The following STK32B variants were observed in gnomAD, a reference collection of about 807,000 sequenced individuals.
STK32B encodes the protein serine/threonine-protein kinase 32B.
STK32B carries 43 observed loss-of-function variants against 52.6 expected under a neutral mutation model. The ratio of observed to expected loss-of-function variants is 0.82; its 90% confidence interval spans 0.64 to 1.05. The LOEUF (loss-of-function observed/expected upper bound fraction) is 1.05, where lower values mean the gene tolerates loss of function less well. Ranked by LOEUF, STK32B falls within the 50% of genes least tolerant of loss-of-function variation. The pLI is 0.00. For missense variants in STK32B, 621 were observed against 534.6 expected, an observed-to-expected ratio of 1.16 and a Z score of -1.59; for synonymous variants, 238 against 204.3, an observed-to-expected ratio of 1.17 and a Z score of -1.41.
chr4:5,113,567 A>G (rs1396287543), intron 1 of STK32B, among the ~76,000 whole-genome samples: 1 of 151,758 alleles, frequency 6.6e-6, no homozygotes, highest in Non-Finnish European at 1.5e-5. Context: ...CTGATGACCT[A>G]TGTTGTTAAA....
chr4:5,326,469 A>G (rs1481389570), intron 3 of STK32B, among the ~76,000 whole-genome samples: 1 of 152,162 alleles, frequency 6.6e-6, no homozygotes, highest in Non-Finnish European at 1.5e-5. Context: ...AGTACCTCCA[A>G]CAGTGCCTCT....
chr4:5,156,493 C>T (rs1717859160), intron 2 of STK32B, among the ~76,000 whole-genome samples: 1 of 152,178 alleles, frequency 6.6e-6, no homozygotes, highest in South Asian at 2.1e-4. Flanking sequence ...TCTCCATTGG[C>T]TCCTCTTGAC....
At chr4:5,136,145 G>A (rs947505347) in intron 1 of STK32B, among the ~76,000 whole-genome samples, 1 of 152,196 alleles carries the variant, frequency 6.6e-6, no homozygotes, top group Admixed American at 6.5e-5. Context: ...ATTGCCTGGG[G>A]CTGGCCACAG....
At chr4:5,074,232 C>T (rs1005262249) in intron 1 of STK32B, among the ~76,000 whole-genome samples, 1 of 148,386 alleles carries the variant, frequency 6.7e-6, no homozygotes, top group African/African-American at 2.5e-5. Context: ...AATATATTTC[C>T]TTATTTGGCT....
chr4:5,112,726 A>G (rs1331647533), intron 1 of STK32B, among the ~76,000 whole-genome samples: 3 of 152,206 alleles, frequency 2.0e-5, no homozygotes, highest in Admixed American at 6.5e-5. Context: ...CTAGTACAAG[A>G]AAGCTTCTCT....
intron 3 of STK32B, among the ~76,000 whole-genome samples, chr4:5,254,617 C>T (rs1726171341): frequency 6.6e-6 from 1 of 152,034 alleles, no homozygotes; most frequent in Non-Finnish European, 1.5e-5. Context: ...ATAGTAATTT[C>T]CACTTCTAAT....
intron 4 of STK32B, among the ~76,000 whole-genome samples, chr4:5,391,426 CAA>C (rs1316856228): frequency 1.3e-5 from 2 of 152,106 alleles, no homozygotes; most frequent in Admixed American, 6.5e-5. Context: ...CACTTTCCTG[CAA>C]AGACAGTATT....
intron 1 of STK32B, among the ~76,000 whole-genome samples, chr4:5,068,354 A>G (rs1711548526): frequency 1.3e-5 from 2 of 152,160 alleles, no homozygotes; most frequent in South Asian, 2.1e-4. Context: ...GCTCCCACTT[A>G]TAAGTGAGAA....
chr4:5,097,467 CAAGA>C (rs1186840856), intron 1 of STK32B, among the ~76,000 whole-genome samples: 3 of 150,722 alleles, frequency 2.0e-5, no homozygotes, highest in African/African-American at 4.9e-5. Flanking sequence ...GTCTACACAT[CAAGA>C]AAGAAAGATC....
At chr4:5,204,173 G>A (rs917662913) in intron 3 of STK32B, 46 of 152,270 alleles carry the variant, frequency 3.0e-4, no homozygotes, top group African/African-American at 9.4e-4. Flanking sequence ...CTGCACTTTC[G>A]AAAGAGCAGA....
upstream of STK32B, among the ~76,000 whole-genome samples, chr4:5,050,563 C>CA (rs1467906536): frequency 2.6e-5 from 4 of 152,146 alleles, no homozygotes; most frequent in Admixed American, 1.3e-4. Context: ...GAGAGAGTCA[C>CA]AAAGAACCCC....
chr4:5,347,530 C>G (rs1169881552), intron 4 of STK32B, among the ~76,000 whole-genome samples: 1 of 152,086 alleles, frequency 6.6e-6, no homozygotes, highest in African/African-American at 2.4e-5. Context: ...ACTCAAAGAG[C>G]CTTAAAACTG....
At chr4:5,038,985 CT>C in the STK32B span, among the ~76,000 whole-genome samples, 2,804 of 122,292 alleles carry the variant, frequency 0.023, 28 homozygotes, top group African/African-American at 0.057. Flanking sequence ...AAATTTCTTT[CT>C]TTTTTTTTTT....
intron 3 of STK32B, among the ~76,000 whole-genome samples, chr4:5,241,844 G>C (rs539827851): frequency 6.6e-6 from 1 of 151,990 alleles, no homozygotes; most frequent in African/African-American, 2.4e-5. Context: ...TTTTGTCCTC[G>C]CGATAGTTTG....
chr4:5,327,920 A>G (rs1223798563), intron 3 of STK32B, among the ~76,000 whole-genome samples: 1 of 152,208 alleles, frequency 6.6e-6, no homozygotes, highest in Non-Finnish European at 1.5e-5. Flanking sequence ...TGGTGTATTC[A>G]CCTTCACCAG....
rs115806847 is a variant in STK32B, at chr4:5,080,561, A to T, written c.52+28646A>T. Among the ~76,000 whole-genome samples, 581 of 152,264 alleles carry T rather than the reference A, an allele frequency of 3.8e-3. 6 individuals are homozygous for T. Among genetic ancestry groups the T allele is most frequent in the African/African-American group, 0.013 (559 of 41,544 alleles). On this transcript the variant is annotated intron_variant, in intron 1 of 11. Transcript: ENST00000282908. Reference sequence around the variant, plus strand: ...CTGATATTTCACCTTGCACCTAGCTAATATATGCTTTTCTTATTTATCTTA... The same window carrying T: ...CTGATATTTCACCTTGCACCTAGCTTATATATGCTTTTCTTATTTATCTTA...
chr4:5,272,494 T>A (rs532450573), intron 3 of STK32B, among the ~76,000 whole-genome samples: 2,310 of 148,248 alleles, frequency 0.016, 61 homozygotes, highest in African/African-American at 0.054. Context: ...TGCCCGGCTT[T>A]GGTATCAGAA....
intron 1 of STK32B, among the ~76,000 whole-genome samples, chr4:5,102,536 T>TA (rs1713863556): frequency 7.0e-6 from 1 of 141,856 alleles, no homozygotes; most frequent in African/African-American, 2.6e-5. Context: ...TTCTTTACTT[T>TA]CTTTCTTTCT....
chr4:5,413,077 A>T (rs1052777232), intron 5 of STK32B, among the ~76,000 whole-genome samples: 3 of 152,032 alleles, frequency 2.0e-5, no homozygotes, highest in African/African-American at 7.2e-5. Flanking sequence ...CCCTGTTGAC[A>T]GCTTGCTTTC....
Sources: allele counts gnomAD v4.1 joint callset (sites outside exome capture counted in the v4.1 genomes callset), GRCh38; gene constraint gnomAD v4.1.1; transcripts MANE v1.5; gene names NCBI Gene and HGNC (gene_info 2026-07-23, HGNC 2026-07-21).